The following TBC1D1 variants were observed in gnomAD, a reference collection of about 807,000 sequenced individuals.
TBC1D1 encodes TBC1 (tre-2/USP6, BUB2, cdc16) domain family, member 1.
Under a neutral mutation model 125.6 loss-of-function variants are expected in TBC1D1, and 89 were observed. The observed-to-expected ratio is 0.71, with a 90% CI of 0.60 to 0.85. The LOEUF (loss-of-function observed/expected upper bound fraction) is 0.85. Among genes scored for constraint, TBC1D1 ranks in the 40% least tolerant of loss-of-function variants. The pLI is 0.00. For synonymous variants in TBC1D1, 565 were observed against 564.1 expected (o/e 1.00, Z -0.02); for missense variants, 1,377 against 1,469.2 (o/e 0.94, Z 1.03).
At chr4:38,065,100 T>C (rs1015983404) in intron 12 of TBC1D1, among the ~76,000 whole-genome samples, 3 of 152,070 alleles carry the variant, frequency 2.0e-5, no homozygotes, top group Admixed American at 1.3e-4. Context: ...CTGGCTAATT[T>C]TTTTATTTTT....
At chr4:38,023,411 A>C (rs939948505) in intron 6 of TBC1D1, among the ~76,000 whole-genome samples, 5 of 152,192 alleles carry the variant, frequency 3.3e-5, no homozygotes, top group Admixed American at 6.5e-5. Flanking sequence ...CATTAAGTCC[A>C]TTCACATTGT....
intron 2 of TBC1D1, among the ~76,000 whole-genome samples, chr4:37,976,190 A>G (rs1298089438): frequency 1.3e-5 from 2 of 152,262 alleles, no homozygotes; most frequent in Non-Finnish European, 2.9e-5. Flanking sequence ...AGCAAGAAAC[A>G]GAGGCCCTGA....
At chr4:37,975,460 C>A (rs903296186) in intron 2 of TBC1D1, among the ~76,000 whole-genome samples, 1 of 152,136 alleles carries the variant, frequency 6.6e-6, no homozygotes, top group Non-Finnish European at 1.5e-5. Flanking sequence ...ATCAGTCAGG[C>A]CGTCCACAAG....
At chr4:37,989,790 C>T (rs1357538769) in intron 2 of TBC1D1, among the ~76,000 whole-genome samples, 1 of 152,170 alleles carries the variant, frequency 6.6e-6, no homozygotes, top group Non-Finnish European at 1.5e-5. Flanking sequence ...GGTCACAACT[C>T]TGTGGGGTTA....
At chr4:38,054,054 T>G in intron 11 of TBC1D1, 145 bp from the exon 14 acceptor site, 5 of 883,514 alleles carry the variant, frequency 5.7e-6, no homozygotes, top group East Asian at 2.5e-5. Flanking sequence ...TGACCCACTG[T>G]GAGCTTGATA....
At chr4:38,043,294 A>G (rs1748750756) in intron 8 of TBC1D1, among the ~76,000 whole-genome samples, 1 of 151,948 alleles carries the variant, frequency 6.6e-6, no homozygotes, top group African/African-American at 2.4e-5. Flanking sequence ...TTTGTTGCAT[A>G]TTAAAAAAAA....
intron 17 of TBC1D1, chr4:38,118,537 C>G (rs982801129): frequency 9.5e-6 from 2 of 210,142 alleles, no homozygotes; most frequent in African/African-American, 4.6e-5. Flanking sequence ...TCCTCAGCCA[C>G]TCTGGGTTGT....
chr4:38,090,505 G>T (rs1168631627), intron 13 of TBC1D1, among the ~76,000 whole-genome samples: 1 of 152,036 alleles, frequency 6.6e-6, no homozygotes, highest in South Asian at 2.1e-4. Context: ...AACTTTTCTT[G>T]TGTAAGTCAT....
chr4:38,042,232 G>GT, intron 8 of TBC1D1, among the ~76,000 whole-genome samples: 1 of 152,082 alleles, frequency 6.6e-6, no homozygotes, highest in Non-Finnish European at 1.5e-5. Flanking sequence ...GATATCTGAT[G>GT]TTTTTTGATT....
intron 2 of TBC1D1, 100 bp downstream of exon 2, chr4:37,902,612 A>G (rs1258861364): frequency 2.1e-6 from 2 of 949,634 alleles, no homozygotes; most frequent in Non-Finnish European, 3.0e-6. Context: ...ATGAATAAGG[A>G]ATTAATGCTG....
chr4:38,044,296 A>AT, intron 8 of TBC1D1, 66 bp from the exon 9 acceptor site: 4 of 1,535,572 alleles, frequency 2.6e-6, no homozygotes, highest in Non-Finnish European at 3.5e-6. Context: ...TGTCCTAGAG[A>AT]TTTTTCATTC....
At chr4:38,029,391 G>T (rs1451763385) in intron 7 of TBC1D1, among the ~76,000 whole-genome samples, 1 of 151,974 alleles carries the variant, frequency 6.6e-6, no homozygotes, top group Non-Finnish European at 1.5e-5. Flanking sequence ...TTTTGAGACA[G>T]AGTCTCGCTC....
At chr4:38,022,270 T>C (rs1267215844) in intron 6 of TBC1D1, among the ~76,000 whole-genome samples, 3 of 152,356 alleles carry the variant, frequency 2.0e-5, no homozygotes, top group East Asian at 3.9e-4. Context: ...ATAAATGTTA[T>C]GATTTGTAGC....
At chr4:37,924,371 A>G (rs1315499838) in intron 2 of TBC1D1, among the ~76,000 whole-genome samples, 2 of 152,228 alleles carry the variant, frequency 1.3e-5, no homozygotes, top group African/African-American at 4.8e-5. Context: ...TTTTTGTTGC[A>G]GTAAAATATG....
intron 7 of TBC1D1, among the ~76,000 whole-genome samples, chr4:38,032,807 C>T (rs1746419936): frequency 1.3e-5 from 2 of 148,206 alleles, no homozygotes; most frequent in South Asian, 4.2e-4. Flanking sequence ...TGCACTCCAG[C>T]TCCAGCCTGG....
chr4:38,002,757 C>T (rs970165058), intron 2 of TBC1D1, among the ~76,000 whole-genome samples: 6 of 152,184 alleles, frequency 3.9e-5, no homozygotes, highest in African/African-American at 1.4e-4. Flanking sequence ...AACTGCTTGA[C>T]GCTCTTAAAA....
intron 2 of TBC1D1, among the ~76,000 whole-genome samples, chr4:38,011,353 CAAAAAAAA>C (rs547785950): frequency 1.4e-5 from 1 of 71,400 alleles, no homozygotes; most frequent in South Asian, 4.3e-4. Context: ...AACTCCATCT[CAAAAAAAA>C]AAAAAAAGAA....
intron 8 of TBC1D1, among the ~76,000 whole-genome samples, chr4:38,041,712 G>A (rs1421307590): frequency 6.6e-6 from 1 of 152,238 alleles, no homozygotes; most frequent in African/African-American, 2.4e-5. Flanking sequence ...GATGTGTACA[G>A]TATGACACCA....
intron 1 of TBC1D1, among the ~76,000 whole-genome samples, chr4:37,896,882 A>C (rs1379576730): frequency 6.6e-6 from 1 of 152,058 alleles, no homozygotes; most frequent in Admixed American, 6.6e-5. Context: ...AGGACACATT[A>C]ACAAGATTAT....
Sources: allele counts gnomAD v4.1 joint callset (sites outside exome capture counted in the v4.1 genomes callset), GRCh38; gene constraint gnomAD v4.1.1; transcripts MANE v1.5; gene names NCBI Gene and HGNC (gene_info 2026-07-23, HGNC 2026-07-21).